Variants in GTF2E1 observed in about 807,000 individuals in gnomAD.
GTF2E1 encodes the protein TFIIE alpha subunit.
Under a neutral mutation model 34.9 loss-of-function variants are expected in GTF2E1, and 14 were observed. The ratio of observed to expected loss-of-function variants is 0.40; its 90% CI spans 0.27 to 0.63. The LOEUF (loss-of-function observed/expected upper bound fraction) is 0.63, where lower values mean the gene tolerates loss of function less well. Ranked by LOEUF, GTF2E1 falls within the 20% of genes least tolerant of loss-of-function variation. The probability of loss-of-function intolerance (pLI) is 0.39; values close to 1 mark genes in which losing one functional copy is unlikely to be tolerated. For synonymous variants in GTF2E1, 188 were observed against 192.9 expected (o/e 0.97, Z 0.21); for missense variants, 469 against 557.7 (o/e 0.84, Z 1.60).
chr3:120,767,039 A>G (rs958411103), intron 2 of GTF2E1, among the ~76,000 whole-genome samples: 1 of 152,194 alleles, frequency 6.6e-6, no homozygotes, highest in African/African-American at 2.4e-5. Context: ...TCCCAGAAGA[A>G]AAATAAGAAA....
chr3:120,759,671 A>G (rs1238260386), intron 2 of GTF2E1, among the ~76,000 whole-genome samples: 2 of 152,098 alleles, frequency 1.3e-5, no homozygotes, highest in Non-Finnish European at 2.9e-5. Flanking sequence ...AGCCAGTTTT[A>G]CCAGCACCAT....
chr3:120,775,559 A>G (rs775792441), intron 3 of GTF2E1, among the ~76,000 whole-genome samples: 1 of 152,210 alleles, frequency 6.6e-6, no homozygotes, highest in East Asian at 1.9e-4. Context: ...ACAGATTGAG[A>G]GTGAAACAGG....
intron 2 of GTF2E1, among the ~76,000 whole-genome samples, chr3:120,763,636 T>C (rs1249107267): frequency 6.6e-6 from 1 of 152,234 alleles, no homozygotes; most frequent in African/African-American, 2.4e-5. Flanking sequence ...TTTTTCTTTT[T>C]CCTGGAAGCT....
intron 2 of GTF2E1, among the ~76,000 whole-genome samples, chr3:120,752,229 TAAGA>T (rs1220726861): frequency 6.6e-6 from 1 of 152,210 alleles, no homozygotes; most frequent in African/African-American, 2.4e-5. Flanking sequence ...ATCTTGATTA[TAAGA>T]AAGTCTTAAC....
At chr3:120,754,337 C>G (rs1392936947) in intron 2 of GTF2E1, among the ~76,000 whole-genome samples, 2 of 152,136 alleles carry the variant, frequency 1.3e-5, no homozygotes, top group East Asian at 3.8e-4. Context: ...AGCCACCAGC[C>G]TTTTACGTAT....
At chr3:120,765,382 A>T (rs972579784) in intron 2 of GTF2E1, among the ~76,000 whole-genome samples, 44 of 152,196 alleles carry the variant, frequency 2.9e-4, no homozygotes, top group Non-Finnish European at 1.0e-4. Context: ...ATAGGTTAAG[A>T]CTTAGCCAAG....
chr3:120,762,061 A>T (rs1332170889), intron 2 of GTF2E1, among the ~76,000 whole-genome samples: 1 of 152,170 alleles, frequency 6.6e-6, no homozygotes, highest in Non-Finnish European at 1.5e-5. Context: ...AAGTGCTGGG[A>T]TTACAGGCAT....
rs779242462 is a variant in GTF2E1 at position 120,776,544 on chromosome 3, A to G, written c.772A>G (p.Met258Val). Residue 258 changes from methionine to valine, a missense_variant, in exon 4 of 5, where the codon ATG (methionine) becomes GTG (valine). Coordinates refer to ENST00000283875, the MANE Select transcript of GTF2E1 (RefSeq NM_005513.3). ...ATACACTCAGAATGTTGTCATTAAC[A>G]TGGATGACCAAGAAGATCTTCATCG... ...DLYTQNVVIN[M>V]DDQEDLHRAS... is the part of the protein sequence containing the mutation. 1 of 1,614,086 alleles carries G rather than the reference A, an allele frequency of 6.2e-7. No homozygotes were observed.
At chr3:120,752,602 C>G (rs1181670630) in intron 2 of GTF2E1, among the ~76,000 whole-genome samples, 2 of 152,140 alleles carry the variant, frequency 1.3e-5, no homozygotes, top group African/African-American at 4.8e-5. Context: ...TCATGATACT[C>G]TTGAATTTCA....
intron 3 of GTF2E1, among the ~76,000 whole-genome samples, chr3:120,771,420 G>T (rs549044497): frequency 4.6e-5 from 7 of 152,150 alleles, no homozygotes; most frequent in African/African-American, 1.4e-4. Context: ...CCTAACAGTG[G>T]CTCCCTATTT....
chr3:120,753,785 A>G (rs902058128), intron 2 of GTF2E1, among the ~76,000 whole-genome samples: 3 of 152,140 alleles, frequency 2.0e-5, no homozygotes, highest in Admixed American at 6.6e-5. Context: ...TACTTTTCCT[A>G]AAGATTGTAA....
intron 3 of GTF2E1, among the ~76,000 whole-genome samples, chr3:120,774,331 C>G (rs1391450535): frequency 1.3e-5 from 2 of 151,948 alleles, no homozygotes; most frequent in Admixed American, 1.3e-4. Flanking sequence ...AGAATAAGCA[C>G]AGAAACATAA....
At chr3:120,743,959 G>A (rs1321756705) in intron 1 of GTF2E1, among the ~76,000 whole-genome samples, 1 of 152,146 alleles carries the variant, frequency 6.6e-6, no homozygotes, top group Non-Finnish European at 1.5e-5. Context: ...GTGAGGCTGG[G>A]ATCTGACTCA....
intron 4 of GTF2E1, among the ~76,000 whole-genome samples, chr3:120,780,390 T>C (rs1166893941): frequency 6.6e-6 from 1 of 151,718 alleles, no homozygotes; most frequent in African/African-American, 2.4e-5. Context: ...TGGAAGGGAG[T>C]TAGCTGTGTG....
intron 2 of GTF2E1, among the ~76,000 whole-genome samples, chr3:120,763,677 T>G (rs1217195133): frequency 6.6e-6 from 1 of 152,140 alleles, no homozygotes; most frequent in Non-Finnish European, 1.5e-5. Context: ...AAAACTTGGA[T>G]TCAAAGTTTT....
intron 2 of GTF2E1, among the ~76,000 whole-genome samples, chr3:120,769,631 T>G (rs1709336784): frequency 6.6e-6 from 1 of 152,128 alleles, no homozygotes; most frequent in Non-Finnish European, 1.5e-5. Flanking sequence ...TTTTTTGTGG[T>G]TTGCATGGAG....
chr3:120,762,871 G>A (rs922796246), intron 2 of GTF2E1, among the ~76,000 whole-genome samples: 7 of 151,954 alleles, frequency 4.6e-5, no homozygotes, highest in African/African-American at 1.7e-4. Flanking sequence ...TCTTTGATTT[G>A]GAACATATTT....
chr3:120,763,478 G>T (rs1449441775), intron 2 of GTF2E1, among the ~76,000 whole-genome samples: 1 of 152,180 alleles, frequency 6.6e-6, no homozygotes, highest in Non-Finnish European at 1.5e-5. Flanking sequence ...CTATATGGTG[G>T]TTGGATGTTT....
intron 2 of GTF2E1, among the ~76,000 whole-genome samples, chr3:120,755,246 CAT>C (rs1369224404): frequency 3.3e-5 from 5 of 152,170 alleles, no homozygotes; most frequent in African/African-American, 4.8e-5. Flanking sequence ...GGAGTTAAAT[CAT>C]ATGAGTCCCT....
Sources: gnomAD v4.1 joint callset for allele counts (sites outside exome capture counted in the v4.1 genomes callset) on GRCh38, gnomAD v4.1.1 for gene constraint, MANE v1.5 for transcripts, NCBI Gene and HGNC (gene_info 2026-07-23, HGNC 2026-07-21) for gene names.